The following YTHDC1 variants were observed in gnomAD, a reference collection of about 807,000 sequenced individuals.
YTHDC1 encodes the protein YTH domain-containing protein 1.
Under a neutral mutation model 107.0 loss-of-function variants are expected in YTHDC1, and 12 were observed. The ratio of observed to expected loss-of-function variants is 0.11; its 90% CI spans 0.07 to 0.18. The LOEUF (loss-of-function observed/expected upper bound fraction) is 0.18. Among genes scored for constraint, YTHDC1 ranks in the 10% least tolerant of loss-of-function variants. YTHDC1 has a pLI of 1.00. For synonymous variants in YTHDC1, 280 were observed against 289.5 expected (o/e 0.97, Z 0.33); for missense variants, 635 against 898.8 (o/e 0.71, Z 3.75).
At chr4:68,340,518 G>C (rs549624305) in intron 1 of YTHDC1, among the ~76,000 whole-genome samples, 26 of 151,966 alleles carry the variant, frequency 1.7e-4, no homozygotes, top group African/African-American at 6.3e-4. Flanking sequence ...ATTTCTTCAA[G>C]ATCTGAATGG....
chr4:68,328,837 T>C (rs1264026502), intron 9 of YTHDC1, among the ~76,000 whole-genome samples: 2 of 152,212 alleles, frequency 1.3e-5, no homozygotes, highest in Non-Finnish European at 1.5e-5. Flanking sequence ...CTAGGATATA[T>C]GGTATGACCT....
intron 4 of YTHDC1, among the ~76,000 whole-genome samples, chr4:68,336,070 G>C (rs1483825382): frequency 1.4e-5 from 2 of 148,024 alleles, no homozygotes; most frequent in Non-Finnish European, 3.0e-5. Flanking sequence ...CAGATGGCCA[G>C]TTATCTTCTA....
Position 68,322,509 on chromosome 4 carries a change from G to A in YTHDC1, c.1601+240C>T, listed in dbSNP as rs1722545644. Reference sequence around the variant, plus strand: ...ATCAGAGTATTATCTAATCTAAACTGGTTATCACTGGTTATACTTTTTTCT... The same window carrying A: ...ATCAGAGTATTATCTAATCTAAACTAGTTATCACTGGTTATACTTTTTTCT... On this transcript the variant is annotated intron_variant, in intron 11 of 16. Coordinates refer to ENST00000344157, the MANE Select transcript of YTHDC1 (RefSeq NM_001031732.4). The surrounding 1 kb of genome is among the most constrained non-coding windows in gnomAD (Gnocchi z 4.8). 2.0e-6 allele frequency: 1 copy of A among 501,728 alleles called. No individual in the cohort carries two copies. Among genetic ancestry groups the A allele is most frequent in the Non-Finnish European group, 3.5e-6 (1 of 284,318 alleles). 31.1% of individuals were successfully genotyped at this position (501,728 alleles called of 1,614,324 possible).
intron 4 of YTHDC1, among the ~76,000 whole-genome samples, chr4:68,334,398 T>C (rs181920877): frequency 6.6e-6 from 1 of 152,090 alleles, no homozygotes; most frequent in African/African-American, 2.4e-5. Context: ...TCACAAGATA[T>C]TCTCATTACA....
Position 68,331,572 on chromosome 4 carries a change from T to C in YTHDC1, c.1122+531A>G, listed in dbSNP as rs562864673. 4.6e-5 allele frequency among the ~76,000 whole-genome samples: 7 copies of C among 152,238 alleles called. No individual in the cohort carries two copies. The South Asian group carries it at 1.5e-3, about 32-fold the overall frequency. Reference sequence around the variant, plus strand: ...TAGCCAAACATAAAAAGAAAATTATTATCTTACAACATCCTACAGCAACTA... The same window carrying C: ...TAGCCAAACATAAAAAGAAAATTATCATCTTACAACATCCTACAGCAACTA... On this transcript the variant is annotated intron_variant, in intron 7 of 16. Coordinates refer to ENST00000344157, the MANE Select transcript of YTHDC1 (RefSeq NM_001031732.4).
At chr4:68,329,189 T>TA (rs34041375) in intron 9 of YTHDC1, among the ~76,000 whole-genome samples, 2 of 151,948 alleles carry the variant, frequency 1.3e-5, no homozygotes, top group South Asian at 2.1e-4. Flanking sequence ...ATCTCCTTCA[T>TA]AAAAAAAGGT....
intron 15 of YTHDC1, among the ~76,000 whole-genome samples, chr4:68,317,259 A>G (rs1721967949): frequency 6.6e-6 from 1 of 152,188 alleles, no homozygotes; most frequent in African/African-American, 2.4e-5. Flanking sequence ...TAACTTTTAA[A>G]TGCCATTTAA....
At chr4:68,340,661 T>C (rs1032604134) in intron 1 of YTHDC1, among the ~76,000 whole-genome samples, 1 of 152,092 alleles carries the variant, frequency 6.6e-6, no homozygotes, top group African/African-American at 2.4e-5. Context: ...CAACAGGTCT[T>C]CACAGAATCA....
chr4:68,349,644 A>ACC, intron 1 of YTHDC1, 82 bp downstream of exon 1: 1 of 142,092 alleles, frequency 7.0e-6, no homozygotes, highest in Non-Finnish European at 1.5e-5. Flanking sequence ...CCCACCCCCC[A>ACC]CCCCCAACGA....
intron 4 of YTHDC1, among the ~76,000 whole-genome samples, chr4:68,336,074 T>A: frequency 6.7e-6 from 1 of 148,860 alleles, no homozygotes; most frequent in Non-Finnish European, 1.5e-5. Flanking sequence ...TGGCCAGTTA[T>A]CTTCTAGTGA....
Position 68,322,776 on chromosome 4 carries a change from C to T in YTHDC1, c.1574G>A (p.Arg525His), listed in dbSNP as rs771100713. The change falls in exon 11 of 17, where the codon CGT (arginine) becomes CAT (histidine). Residue 525 changes from arginine (R) to histidine (H), a missense_variant. Physicochemically the swap from Arg to His is conservative, Grantham distance 29. Around this residue, in one of 5 missense-constraint regions of YTHDC1, gnomAD observed 256 missense variants for 372.9 expected, o/e 0.69. Transcript: ENST00000344157. The surrounding 1 kb of genome is among the most constrained non-coding windows in gnomAD (Gnocchi z 4.8). ...TCCCACATCCCGGACTGGTTCTCGA[C>T]GGGATGGACGTCCTCGTGATCGGGG... ...SQPRSRGRPS[R>H]REPVRDVGRR... 6.8e-6 allele frequency: 11 copies of T among 1,613,922 alleles called. No individual in the cohort carries two copies. Among genetic ancestry groups the T allele is most frequent in the Admixed American group, 5.0e-5 (3 of 60,002 alleles).
At chr4:68,314,432 GAA>G (rs1274502531) in intron 16 of YTHDC1, 109 bp from the exon 17 acceptor site, 2 of 925,422 alleles carry the variant, frequency 2.2e-6, no homozygotes, top group Non-Finnish European at 1.5e-6. Flanking sequence ...TATAAAAAAA[GAA>G]AAGTCTCTGT....
At chr4:68,325,023 T>C (rs914786425) in intron 9 of YTHDC1, among the ~76,000 whole-genome samples, 2 of 152,160 alleles carry the variant, frequency 1.3e-5, no homozygotes, top group Admixed American at 1.3e-4. Flanking sequence ...AAGAAATAAT[T>C]GTAAATTAAC....
At chr4:68,347,550 ACTCTATGAACAAGGGTCTTTACTGTTCT>A (rs1725587130) in intron 1 of YTHDC1, among the ~76,000 whole-genome samples, 1 of 152,004 alleles carries the variant, frequency 6.6e-6, no homozygotes. Flanking sequence ...CCCATCAAGA[ACTCTATGAACAAGGGTCTTTACTGTTCT>A]GTGATTAATA....
intron 6 of YTHDC1, among the ~76,000 whole-genome samples, chr4:68,332,520 T>C (rs1266771285): frequency 1.3e-5 from 2 of 151,986 alleles, no homozygotes; most frequent in Non-Finnish European, 2.9e-5. Flanking sequence ...TACATATATA[T>C]ACACACACAT....
intron 4 of YTHDC1, among the ~76,000 whole-genome samples, chr4:68,333,723 T>G (rs1156711646): frequency 6.6e-6 from 1 of 152,134 alleles, no homozygotes; most frequent in Non-Finnish European, 1.5e-5. Context: ...AAACAATTTC[T>G]TTCAAAACTG....
At position 68,313,250 on chromosome 4, in the gene YTHDC1, G is replaced by GCATGCTT. The variant is rs768573552; in HGVS notation, c.*842_*848dup. Reference sequence around the variant, plus strand: ...GGTTCCTAAAATTCCTGAACAAAAAGCATGCTTTTATGTCCATTATTGCAT... The same window carrying GCATGCTT: ...GGTTCCTAAAATTCCTGAACAAAAAGCATGCTTCATGCTTTTATGTCCATTATTGCAT... On this transcript the variant is annotated 3_prime_UTR_variant, in exon 17 of 17. Coordinates refer to ENST00000344157, the MANE Select transcript of YTHDC1 (RefSeq NM_001031732.4). 3.9e-5 allele frequency: 6 copies of GCATGCTT among 152,344 alleles called. No homozygotes were observed. Among genetic ancestry groups the GCATGCTT allele is most frequent in the Non-Finnish European group, 5.9e-5 (4 of 68,022 alleles). 9.4% of individuals were successfully genotyped at this position (152,344 alleles called of 1,614,324 possible). A position where few individuals can be genotyped will look rare whatever the true frequency, so the allele number is the denominator to read the frequency against.
In YTHDC1 at chr4:68,330,293, G is replaced by A. The variant is rs374769324; in HGVS notation, c.1140C>T (p.Leu380=). The change falls in exon 8 of 17, where the codon CTC becomes CTT. Residue 380 remains leucine, a synonymous_variant. Coordinates refer to ENST00000344157, the MANE Select transcript of YTHDC1 (RefSeq NM_001031732.4). The stretch of plus-strand genomic sequence containing the variant: ...GATTTAATTTCTTCTCATTTACAGG[G>A]AGCGTGGACCATACACCCTACATAA... ...LAKAKGVWST[L]PVNEKKLNLA... 2 of 1,597,860 alleles carry A rather than the reference G, an allele frequency of 1.3e-6. No homozygotes were observed. Among genetic ancestry groups the A allele is most frequent in the South Asian group, 2.3e-5 (2 of 88,342 alleles).
chr4:68,340,617 G>C (rs1724707824), intron 1 of YTHDC1, among the ~76,000 whole-genome samples: 1 of 151,850 alleles, frequency 6.6e-6, no homozygotes, highest in Non-Finnish European at 1.5e-5. Context: ...ATAAGTACTG[G>C]GTCAAAGCTC....
Sources: allele counts gnomAD v4.1 joint callset (sites outside exome capture counted in the v4.1 genomes callset), GRCh38; gene constraint gnomAD v4.1.1; regional missense constraint gnomAD v4.1.1; non-coding constraint Gnocchi (gnomAD v3.1); transcripts MANE v1.5; gene names NCBI Gene and HGNC (gene_info 2026-07-23, HGNC 2026-07-21).